The following MAML3 variants were observed in gnomAD, a reference collection of about 807,000 sequenced individuals.
MAML3 encodes mastermind-like protein 3.
MAML3 carries 27 observed loss-of-function variants against 101.9 expected under a neutral mutation model. The ratio of observed to expected loss-of-function variants is 0.27; its 90% CI spans 0.20 to 0.37. The LOEUF (loss-of-function observed/expected upper bound fraction) is 0.37. Ranked by LOEUF, MAML3 falls within the 10% of genes least tolerant of loss-of-function variation. MAML3 has a pLI of 1.00. For synonymous variants in MAML3, 501 were observed against 555.9 expected (o/e 0.90, Z 1.39); for missense variants, 1,316 against 1,444.9 (o/e 0.91, Z 1.45).
Position 139,835,632 on chromosome 4 carries a change from G to A in MAML3, c.2079+53725C>T, listed in dbSNP as rs185707260. Reference sequence around the variant, plus strand: ...AATTTGACTTCTCCAATTTATCAACGGGGACCTGCCCTATTTTTACTCGGT... The same window carrying A: ...AATTTGACTTCTCCAATTTATCAACAGGGACCTGCCCTATTTTTACTCGGT... On this transcript the variant is annotated intron_variant, in intron 2 of 4. Transcript: ENST00000509479. Among the ~76,000 whole-genome samples, 426 of 152,234 alleles carry A rather than the reference G, an allele frequency of 2.8e-3. 3 individuals are homozygous for A. Among genetic ancestry groups the A allele is most frequent in the Admixed American group, 4.4e-3 (67 of 15,290 alleles).
At position 140,069,375 on chromosome 4, in the gene MAML3, A is replaced by G. The variant is rs1280168806; in HGVS notation, c.468+83485T>C. Among the ~76,000 whole-genome samples the G allele has an allele frequency of 7.6e-4, 100 of 131,426 alleles. 6 individuals carry two copies. Among genetic ancestry groups the G allele is most frequent in the African/African-American group, 2.8e-3 (94 of 33,220 alleles). The allele number at this position is 131,426 out of a possible 152,430, so 86.2% of individuals were successfully genotyped here. A position where few individuals can be genotyped will look rare whatever the true frequency, so the allele number is the denominator to read the frequency against. On this transcript the variant is annotated intron_variant, in intron 1 of 4. Coordinates refer to ENST00000509479, the MANE Select transcript of MAML3 (RefSeq NM_018717.5). ...GAAGGAGAAGGAGAAGAAGAAGAAG[A>G]AGAAGAAGAAGGAGGAGGAGGAGGA...
intron 1 of MAML3, among the ~76,000 whole-genome samples, chr4:140,029,369 A>G (rs1023086488): frequency 1.3e-5 from 2 of 152,188 alleles, no homozygotes; most frequent in Admixed American, 1.3e-4. Flanking sequence ...ACTAGGAGAA[A>G]TGCTGAATTC....
intron 2 of MAML3, among the ~76,000 whole-genome samples, chr4:139,876,597 C>T (rs1293984312): frequency 1.3e-5 from 2 of 152,236 alleles, no homozygotes; most frequent in African/African-American, 4.8e-5. Flanking sequence ...AGCAAGAGCA[C>T]ACTTTGGCAC....
intron 2 of MAML3, among the ~76,000 whole-genome samples, chr4:139,875,388 T>C (rs1173287813): frequency 1.3e-5 from 2 of 152,310 alleles, no homozygotes; most frequent in African/African-American, 2.4e-5. Flanking sequence ...TTTTGGGGAA[T>C]TGTGTTTATT....
intron 2 of MAML3, among the ~76,000 whole-genome samples, chr4:139,797,225 T>C (rs1016725914): frequency 6.6e-6 from 1 of 152,210 alleles, no homozygotes; most frequent in Non-Finnish European, 1.5e-5. Context: ...AAAATACACA[T>C]ATACACATGC....
At chr4:140,041,166 T>C (rs1727079549) in intron 1 of MAML3, among the ~76,000 whole-genome samples, 2 of 152,228 alleles carry the variant, frequency 1.3e-5, no homozygotes, top group African/African-American at 4.8e-5. Flanking sequence ...CAGAGGTATC[T>C]GAATTTTTGA....
chr4:139,796,670 C>CAGA (rs1369517748), intron 2 of MAML3, among the ~76,000 whole-genome samples: 1 of 152,134 alleles, frequency 6.6e-6, no homozygotes, highest in Admixed American at 6.5e-5. Flanking sequence ...CTTGCCCTAC[C>CAGA]AGAACCTAGA....
At chr4:139,720,430 A>C in intron 4 of MAML3, 107 bp from the exon 5 acceptor site, 1 of 960,812 alleles carries the variant, frequency 1.0e-6, no homozygotes, top group Non-Finnish European at 1.5e-6. Context: ...TTTATATGAA[A>C]GGATCTACTC....
chr4:139,862,007 G>A (rs1240155418), intron 2 of MAML3, among the ~76,000 whole-genome samples: 6 of 152,048 alleles, frequency 3.9e-5, no homozygotes, highest in East Asian at 1.9e-4. Context: ...TCAGGAGTTC[G>A]AGACCAGCAT....
chr4:140,052,221 ATGAG>A (rs1427095574), intron 1 of MAML3, among the ~76,000 whole-genome samples: 7 of 152,242 alleles, frequency 4.6e-5, no homozygotes, highest in African/African-American at 1.7e-4. Flanking sequence ...TAGCACTAAA[ATGAG>A]TATTAAGTGA....
intron 2 of MAML3, among the ~76,000 whole-genome samples, chr4:139,837,672 C>T (rs2111141190): frequency 6.6e-6 from 1 of 152,286 alleles, no homozygotes; most frequent in Non-Finnish European, 1.5e-5. Flanking sequence ...GTAATCCCAG[C>T]ACTGTGGGAG....
At chr4:140,030,337 C>T (rs988831438) in intron 1 of MAML3, among the ~76,000 whole-genome samples, 1 of 152,230 alleles carries the variant, frequency 6.6e-6, no homozygotes, top group Non-Finnish European at 1.5e-5. Context: ...CACTGGACAA[C>T]ACACACTAGC....
chr4:139,719,263 TTTC>T lies in MAML3; in HGVS notation c.*57_*59del. 3 of 1,507,840 alleles carry T rather than the reference TTTC, an allele frequency of 2.0e-6. No homozygotes were observed. Among genetic ancestry groups the T allele is most frequent in the Non-Finnish European group, 2.7e-6 (3 of 1,127,438 alleles). 93.4% of individuals were successfully genotyped at this position (1,507,840 alleles called of 1,614,324 possible). ...AAAACAAGGATGGGTCAACATCCTG[TTTC>T]TTTTTCACTTTTTAAGCTTTAACCA... On this transcript the variant is annotated 3_prime_UTR_variant, in exon 5 of 5. Coordinates refer to ENST00000509479, the MANE Select transcript of MAML3 (RefSeq NM_018717.5).
rs534242179 is a variant in MAML3 at position 140,087,489 on chromosome 4, C to T, written c.468+65371G>A. On this transcript the variant is annotated intron_variant, in intron 1 of 4. Transcript: ENST00000509479. ...GGAATTTCCTGTGGTTTCTACGCTA[C>T]GAACAATAAAGTTTTACCTCTTTTT... is the stretch of plus-strand genomic sequence containing the variant. 9.5e-4 allele frequency among the ~76,000 whole-genome samples: 144 copies of T among 152,320 alleles called. 2 individuals are homozygous for T. The South Asian group carries it at 0.02, about 22-fold the overall frequency.
chr4:139,919,454 A>G (rs1255305230), intron 1 of MAML3, among the ~76,000 whole-genome samples: 1 of 152,244 alleles, frequency 6.6e-6, no homozygotes, highest in Non-Finnish European at 1.5e-5. Flanking sequence ...TTTGGATGTC[A>G]TAACTTTTTT....
At chr4:139,928,813 G>C (rs749073758) in intron 1 of MAML3, among the ~76,000 whole-genome samples, 1 of 152,134 alleles carries the variant, frequency 6.6e-6, no homozygotes, top group Non-Finnish European at 1.5e-5. Context: ...GAGTAGAGAA[G>C]TGACCTGTCA....
intron 1 of MAML3, among the ~76,000 whole-genome samples, chr4:139,995,411 G>T (rs1381079315): frequency 6.6e-6 from 1 of 152,100 alleles, no homozygotes; most frequent in Non-Finnish European, 1.5e-5. Flanking sequence ...TTTCAGAATG[G>T]CTTAATGAAG....
At position 140,106,072 on chromosome 4, in the gene MAML3, G is replaced by A. The variant is rs117662080; in HGVS notation, c.468+46788C>T. The stretch of plus-strand genomic sequence containing the variant: ...TCATCCCAAAACGAAGGAATCACTC[G>A]TCGTCTTTACTTCAGGAAATTTCTT... On this transcript the variant is annotated intron_variant, in intron 1 of 4. Transcript: ENST00000509479. Among the ~76,000 whole-genome samples the A allele has an allele frequency of 5.4e-3, 715 of 132,394 alleles. 21 individuals are homozygous for A. The highest frequency in any genetic ancestry group is 0.044 in the Admixed American group (508 of 11,428). The allele number at this position is 132,394 out of a possible 152,430, so 86.9% of individuals were successfully genotyped here.
intron 1 of MAML3, among the ~76,000 whole-genome samples, chr4:139,916,887 T>C (rs1026246906): frequency 6.6e-6 from 1 of 152,194 alleles, no homozygotes; most frequent in Non-Finnish European, 1.5e-5. Flanking sequence ...GATTTTCAAG[T>C]GGGCGTTCTT....
Sources: allele counts gnomAD v4.1 joint callset (sites outside exome capture counted in the v4.1 genomes callset), GRCh38; gene constraint gnomAD v4.1.1; transcripts MANE v1.5; gene names NCBI Gene and HGNC (gene_info 2026-07-23, HGNC 2026-07-21).